Variants in ARHGAP24 observed in about 807,000 individuals in gnomAD.
ARHGAP24 encodes the protein Rho GTPase activating protein 24.
Under a neutral mutation model 76.4 loss-of-function variants are expected in ARHGAP24, and 50 were observed. The ratio of observed to expected loss-of-function variants is 0.65; its 90% CI spans 0.52 to 0.83. The LOEUF is 0.83. ARHGAP24 is among the 40% of genes least tolerant of loss of function. The probability of loss-of-function intolerance (pLI) is 0.00; values close to 1 mark genes in which losing one functional copy is unlikely to be tolerated. For missense variants in ARHGAP24, 930 were observed against 914.2 expected (o/e 1.02, Z -0.22); for synonymous variants, 345 against 323.3 (o/e 1.07, Z -0.72).
intron 3 of ARHGAP24, among the ~76,000 whole-genome samples, chr4:85,784,477 A>G (rs971015427): frequency 3.3e-5 from 5 of 151,814 alleles, no homozygotes; most frequent in Non-Finnish European, 7.4e-5. Context: ...AGCCTCTTCC[A>G]CCCTTTGTGC....
At chr4:85,962,336 C>T (rs1272734456) in intron 5 of ARHGAP24, among the ~76,000 whole-genome samples, 1 of 152,022 alleles carries the variant, frequency 6.6e-6, no homozygotes, top group East Asian at 1.9e-4. Flanking sequence ...TCTATAGAAT[C>T]TAATGAGATA....
chr4:85,875,615 AT>A (rs1180753167), intron 3 of ARHGAP24, among the ~76,000 whole-genome samples: 1 of 119,804 alleles, frequency 8.3e-6, no homozygotes, highest in East Asian at 2.2e-4. Flanking sequence ...TATTATATAT[AT>A]GTAATGTATA....
chr4:85,684,318 A>G (rs1428244283), intron 2 of ARHGAP24, among the ~76,000 whole-genome samples: 1 of 152,134 alleles, frequency 6.6e-6, no homozygotes, highest in African/African-American at 2.4e-5. Context: ...GAATTATGAG[A>G]TGATATTTCA....
chr4:85,763,861 G>A (rs913786683), intron 3 of ARHGAP24, among the ~76,000 whole-genome samples: 2 of 152,036 alleles, frequency 1.3e-5, no homozygotes, highest in African/African-American at 4.8e-5. Context: ...ACAAGAACTA[G>A]AGTCCTTCAC....
At chr4:85,541,443 G>A (rs1031075357) in intron 1 of ARHGAP24, among the ~76,000 whole-genome samples, 7 of 120,992 alleles carry the variant, frequency 5.8e-5, no homozygotes, top group African/African-American at 1.9e-4. Flanking sequence ...GTGAGCCACC[G>A]CGCCCGGCCC....
chr4:85,482,350 T>C (rs778150913), intron 1 of ARHGAP24, among the ~76,000 whole-genome samples: 8 of 152,216 alleles, frequency 5.3e-5, no homozygotes, highest in African/African-American at 1.2e-4. Flanking sequence ...ACTTCATTTA[T>C]TGGTGACAAC....
intron 3 of ARHGAP24, among the ~76,000 whole-genome samples, chr4:85,731,802 T>C (rs987221453): frequency 3.3e-5 from 5 of 152,272 alleles, no homozygotes; most frequent in Admixed American, 3.3e-4. Flanking sequence ...ATATGCAAAT[T>C]ATCCTGATTA....
At chr4:85,511,219 G>A (rs1054766684) in intron 1 of ARHGAP24, among the ~76,000 whole-genome samples, 30 of 152,058 alleles carry the variant, frequency 2.0e-4, no homozygotes, top group African/African-American at 7.2e-4. Flanking sequence ...TTTAAAATCT[G>A]TCTTCTGGAG....
chr4:85,744,547 A>G (rs2110062580), intron 3 of ARHGAP24, among the ~76,000 whole-genome samples: 1 of 152,306 alleles, frequency 6.6e-6, no homozygotes, highest in Middle Eastern at 3.4e-3. Context: ...ATGCTACCCC[A>G]GTGTTTAAGG....
intron 2 of ARHGAP24, among the ~76,000 whole-genome samples, chr4:85,650,273 A>G (rs1276287736): frequency 1.3e-5 from 2 of 149,618 alleles, no homozygotes. Flanking sequence ...TTTAGAAAAA[A>G]AGTCCAACAA....
intron 3 of ARHGAP24, among the ~76,000 whole-genome samples, chr4:85,828,921 G>A (rs576137885): frequency 6.6e-6 from 1 of 152,134 alleles, no homozygotes; most frequent in East Asian, 1.9e-4. Flanking sequence ...ATTTGGTACT[G>A]TGTAAGTAGA....
chr4:85,625,899 C>CT (rs1302006756), intron 2 of ARHGAP24, among the ~76,000 whole-genome samples: 16 of 151,974 alleles, frequency 1.1e-4, no homozygotes, highest in Non-Finnish European at 1.3e-4. Flanking sequence ...CAACCCCTGC[C>CT]TTTTTTTGTT....
At chr4:85,545,788 T>C (rs570636068) in intron 1 of ARHGAP24, among the ~76,000 whole-genome samples, 2 of 152,348 alleles carry the variant, frequency 1.3e-5, no homozygotes, top group Non-Finnish European at 2.9e-5. Context: ...GTATATGATA[T>C]GTATTAATAT....
rs1723129436 is a variant in ARHGAP24, at chr4:85,679,694, C to CTA, written c.181-42190_181-42189dup. Among the ~76,000 whole-genome samples, 4 of 152,218 alleles carry CTA rather than the reference C, an allele frequency of 2.6e-5. No homozygotes were observed. In the South Asian group the frequency reaches 8.3e-4, roughly 32 times the overall value. Reference sequence around the variant, plus strand: ...CCTGGAATCCTATACTCTGCAGGTACTACACCATGTTGGGATGGAGTGGGA... The same window carrying CTA: ...CCTGGAATCCTATACTCTGCAGGTACTATACACCATGTTGGGATGGAGTGGGA... On this transcript the variant is annotated intron_variant, in intron 2 of 9. Coordinates refer to ENST00000395184, the MANE Select transcript of ARHGAP24 (RefSeq NM_001025616.3).
At chr4:85,986,618 T>C (rs1740017021) in intron 8 of ARHGAP24, among the ~76,000 whole-genome samples, 1 of 151,818 alleles carries the variant, frequency 6.6e-6, no homozygotes. Context: ...GAGCTAGAAT[T>C]TGGGGGAGTA....
rs71599418 is a variant in ARHGAP24, at chr4:85,570,437, T to C, written c.-20-85T>C. 18,526 of 772,098 alleles carry C rather than the reference T, an allele frequency of 0.024. 494 individuals are homozygous for C. Among genetic ancestry groups the C allele is most frequent in the Non-Finnish European group, 0.03 (15,067 of 499,000 alleles). 47.8% of individuals were successfully genotyped at this position (772,098 alleles called of 1,614,324 possible). ...TTCTTTCCTCTCTCTCTCTCTTTTTTTTTTTCTGGAGAAGAGTGGTTTAAA... is the reference window on the plus strand; with the variant it reads ...TTCTTTCCTCTCTCTCTCTCTTTTTCTTTTTCTGGAGAAGAGTGGTTTAAA... On this transcript the variant is annotated intron_variant, in intron 1 of 9. Coordinates refer to ENST00000395184, the MANE Select transcript of ARHGAP24 (RefSeq NM_001025616.3).
chr4:85,708,239 T>A (rs1724392735), intron 2 of ARHGAP24, among the ~76,000 whole-genome samples: 1 of 152,210 alleles, frequency 6.6e-6, no homozygotes, highest in African/African-American at 2.4e-5. Flanking sequence ...TAATAATAGA[T>A]GTTTATGGAG....
chr4:85,640,394 C>G (rs1721479835), intron 2 of ARHGAP24, among the ~76,000 whole-genome samples: 1 of 152,190 alleles, frequency 6.6e-6, no homozygotes, highest in South Asian at 2.1e-4. Flanking sequence ...TATGTGGCCC[C>G]TTGTGGCATG....
chr4:85,685,361 G>A (rs968476119), intron 2 of ARHGAP24, among the ~76,000 whole-genome samples: 3 of 151,776 alleles, frequency 2.0e-5, no homozygotes, highest in Admixed American at 1.3e-4. Context: ...GGCTGTGCAC[G>A]GTGGCTCACG....
Sources: gnomAD v4.1 joint callset for allele counts (sites outside exome capture counted in the v4.1 genomes callset) on GRCh38, gnomAD v4.1.1 for gene constraint, MANE v1.5 for transcripts, NCBI Gene and HGNC (gene_info 2026-07-23, HGNC 2026-07-21) for gene names.